Variants in TTC17 observed in about 807,000 individuals in gnomAD.
TTC17 encodes the protein tetratricopeptide repeat domain 17.
A neutral mutation model predicts 143.8 loss-of-function variants in TTC17; 58 were observed. The observed-to-expected ratio is 0.40, with a 90% confidence interval of 0.33 to 0.50. TTC17 has a LOEUF of 0.50. Ranked by LOEUF, TTC17 falls within the 20% of genes least tolerant of loss-of-function variation. The pLI is 0.49. For synonymous variants in TTC17, 501 were observed against 497.8 expected, an observed-to-expected ratio of 1.01 and a Z score of -0.09; for missense variants, 1,273 against 1,392.5, an observed-to-expected ratio of 0.91 and a Z score of 1.37.
intron 20 of TTC17, among the ~76,000 whole-genome samples, chr11:43,450,609 C>G (rs775409950): frequency 1.9e-4 from 29 of 152,172 alleles, no homozygotes; most frequent in Middle Eastern, 3.4e-3. Context: ...AAAGCATATA[C>G]CTAGAAGAAT....
At chr11:43,421,302 T>C (rs1443623179) in intron 16 of TTC17, among the ~76,000 whole-genome samples, 1 of 152,138 alleles carries the variant, frequency 6.6e-6, no homozygotes, top group East Asian at 1.9e-4. Flanking sequence ...ATGTTAGGAA[T>C]AGCAAGGAGG....
chr11:43,401,985 AAATAAAT>A (rs1857878566), intron 10 of TTC17, among the ~76,000 whole-genome samples: 1 of 14,464 alleles, frequency 6.9e-5, no homozygotes, highest in Admixed American at 9.4e-4. Context: ...CTCAAAAAAT[AAATAAAT>A]AAATAAATAA....
chr11:43,461,268 C>T lies in TTC17; in HGVS notation c.3030+10003C>T, dbSNP rs912763075. On this transcript the variant is annotated intron_variant, in intron 21 of 23. Coordinates refer to ENST00000039989, the MANE Select transcript of TTC17 (RefSeq NM_018259.6). Reference sequence around the variant, plus strand: ...GCGCAGTGGCGGGCGCCTGTAGTCCCGGCTACTCGGGAGGCTGAGGCAGGA... The same window carrying T: ...GCGCAGTGGCGGGCGCCTGTAGTCCTGGCTACTCGGGAGGCTGAGGCAGGA... Among the ~76,000 whole-genome samples, 18 of 151,784 alleles carry T rather than the reference C, an allele frequency of 1.2e-4. No individual in the cohort carries two copies. In the East Asian group the frequency reaches 3.5e-3, roughly 29 times the overall value.
At chr11:43,458,274 C>G (rs955155367) in intron 21 of TTC17, among the ~76,000 whole-genome samples, 10 of 152,106 alleles carry the variant, frequency 6.6e-5, no homozygotes, top group African/African-American at 9.7e-5. Context: ...TGTCCAGGCT[C>G]CATCTCTACA....
At chr11:43,412,842 A>G (rs1858478089) in intron 15 of TTC17, among the ~76,000 whole-genome samples, 1 of 152,218 alleles carries the variant, frequency 6.6e-6, no homozygotes, top group Non-Finnish European at 1.5e-5. Flanking sequence ...TGAGAGAGTC[A>G]ATATTGTTCA....
chr11:43,403,544 A>G (rs763475869), intron 10 of TTC17, among the ~76,000 whole-genome samples: 1 of 152,182 alleles, frequency 6.6e-6, no homozygotes, highest in African/African-American at 2.4e-5. Flanking sequence ...TTGATTGCAC[A>G]ACAGTCTGTA....
intron 14 of TTC17, 30 bp from the exon 15 acceptor site, chr11:43,407,323 T>A: frequency 1.1e-5 from 17 of 1,605,452 alleles, no homozygotes; most frequent in Non-Finnish European, 1.4e-5. Context: ...TGTATTCTTG[T>A]ACTAACTGAA....
intron 2 of TTC17, among the ~76,000 whole-genome samples, chr11:43,387,359 T>G (rs1857207834): frequency 6.6e-6 from 1 of 152,190 alleles, no homozygotes. Flanking sequence ...AAGTTTCTAC[T>G]GAGAAGTGAC....
intron 9 of TTC17, 103 bp from the exon 10 acceptor site, chr11:43,401,343 C>A: frequency 1.4e-6 from 1 of 691,632 alleles, no homozygotes; most frequent in Non-Finnish European, 2.5e-6. Flanking sequence ...GCCTGCTAGG[C>A]TCTGAGGGAT....
intron 1 of TTC17, chr11:43,378,734 C>T (rs17508618): frequency 0.17 from 26,509 of 154,542 alleles, 2,999 homozygotes; most frequent in Non-Finnish European, 0.24. Flanking sequence ...ATTTGTTGAT[C>T]CAGAGAACAT....
At chr11:43,473,393 A>G (rs778008796) in intron 21 of TTC17, among the ~76,000 whole-genome samples, 3 of 152,218 alleles carry the variant, frequency 2.0e-5, no homozygotes, top group Non-Finnish European at 4.4e-5. Flanking sequence ...TTAGTTTAAA[A>G]CAGAAAGGGG....
intron 21 of TTC17, chr11:43,466,705 A>G: frequency 2.7e-6 from 1 of 364,060 alleles, no homozygotes; most frequent in Non-Finnish European, 5.4e-6. Flanking sequence ...CCCAAAACAA[A>G]TGAGTCCCAG....
chr11:43,428,595 A>T (rs912122288), intron 16 of TTC17, among the ~76,000 whole-genome samples: 11 of 152,228 alleles, frequency 7.2e-5, no homozygotes, highest in Admixed American at 3.9e-4. Context: ...CCAGATTTAT[A>T]GCCAGTTCTC....
intron 19 of TTC17, 70 bp from the exon 20 acceptor site, chr11:43,450,012 T>C: frequency 1.3e-6 from 2 of 1,514,350 alleles, no homozygotes; most frequent in Non-Finnish European, 1.8e-6. Flanking sequence ...TGATTGTTAA[T>C]GCTGTCTCTC....
intron 21 of TTC17, chr11:43,466,864 G>T: frequency 4.0e-6 from 1 of 253,158 alleles, no homozygotes; most frequent in South Asian, 4.8e-5. Context: ...GCCAACTGCA[G>T]ACAACTCTGA....
chr11:43,449,142 A>G (rs1947608147), intron 19 of TTC17: 1 of 152,308 alleles, frequency 6.6e-6, no homozygotes, highest in African/African-American at 2.4e-5. Context: ...CACAGTACTC[A>G]GAATTCTTCA....
At chr11:43,391,617 GTTC>G in intron 4 of TTC17, 41 bp downstream of exon 4, 4 of 989,700 alleles carry the variant, frequency 4.0e-6, no homozygotes, top group African/African-American at 1.8e-5. Flanking sequence ...TTTGCGTTGC[GTTC>G]TTCTTTCAGT....
At chr11:43,444,242 G>A in intron 18 of TTC17, 33 bp downstream of exon 18, 3 of 1,570,756 alleles carry the variant, frequency 1.9e-6, no homozygotes, top group Middle Eastern at 3.4e-4. Context: ...CCAGTTTCTT[G>A]TTTTAGATGT....
chr11:43,377,242 G>A (rs916011653), intron 1 of TTC17, among the ~76,000 whole-genome samples: 20 of 151,786 alleles, frequency 1.3e-4, no homozygotes, highest in Non-Finnish European at 2.1e-4. Context: ...GCAGTGAGTC[G>A]AGATCACACC....
Sources: allele counts gnomAD v4.1 joint callset (sites outside exome capture counted in the v4.1 genomes callset), GRCh38; gene constraint gnomAD v4.1.1; transcripts MANE v1.5; gene names NCBI Gene and HGNC (gene_info 2026-07-23, HGNC 2026-07-21).